PRKN: variants seen among roughly 807,000 people sequenced by gnomAD.
PRKN encodes E3 ubiquitin-protein ligase parkin.
PRKN carries 56 observed loss-of-function variants against 59.5 expected under a neutral mutation model. That is an observed-to-expected ratio of 0.94 (90% CI 0.76 to 1.18). The LOEUF is 1.18. PRKN is among the 50% of genes most tolerant of loss of function. The pLI, the probability that PRKN is intolerant of heterozygous loss-of-function variation, is 0.00. For synonymous variants in PRKN, 250 were observed against 222.1 expected (o/e 1.13, Z -1.12); for missense variants, 657 against 596.4 (o/e 1.10, Z -1.06).
At chr6:162,595,740 T>G (rs947356939) in intron 1 of PRKN, among the ~76,000 whole-genome samples, 22 of 152,324 alleles carry the variant, frequency 1.4e-4, no homozygotes, top group African/African-American at 5.1e-4. Context: ...GGAGTTAAGG[T>G]TGAACATGTG....
intron 1 of PRKN, among the ~76,000 whole-genome samples, chr6:162,490,782 A>G (rs952056858): frequency 1.3e-5 from 2 of 152,208 alleles, no homozygotes; most frequent in Admixed American, 1.3e-4. Context: ...CGTTCAGGAA[A>G]AGCGTTGAGA....
At chr6:162,601,784 AC>A (rs1363880090) in intron 1 of PRKN, among the ~76,000 whole-genome samples, 1 of 152,030 alleles carries the variant, frequency 6.6e-6, no homozygotes, top group Non-Finnish European at 1.5e-5. Flanking sequence ...TTAATAAGAC[AC>A]CCCTAGATTT....
At chr6:162,725,887 C>T (rs1779148822) in intron 1 of PRKN, among the ~76,000 whole-genome samples, 1 of 152,044 alleles carries the variant, frequency 6.6e-6, no homozygotes, top group Non-Finnish European at 1.5e-5. Flanking sequence ...CTAGGGAAAG[C>T]AGGCATGGAT....
intron 1 of PRKN, among the ~76,000 whole-genome samples, chr6:162,699,622 A>C (rs1004055938): frequency 2.0e-5 from 3 of 152,226 alleles, no homozygotes; most frequent in African/African-American, 7.2e-5. Flanking sequence ...AATTTTAAGA[A>C]TAAAAGTGTC....
chr6:162,448,232 T>A (rs919412897), intron 1 of PRKN, among the ~76,000 whole-genome samples: 1 of 152,054 alleles, frequency 6.6e-6, no homozygotes, highest in Non-Finnish European at 1.5e-5. Context: ...TTTCCAAATG[T>A]CCCTTGCCTG....
chr6:161,496,257 A>G (rs1295152366), intron 9 of PRKN, among the ~76,000 whole-genome samples: 1 of 152,138 alleles, frequency 6.6e-6, no homozygotes, highest in Non-Finnish European at 1.5e-5. Flanking sequence ...TCATGGGTTG[A>G]GTTGTATCCC....
intron 6 of PRKN, among the ~76,000 whole-genome samples, chr6:161,971,427 A>C (rs1780801856): frequency 6.6e-6 from 1 of 152,160 alleles, no homozygotes; most frequent in Non-Finnish European, 1.5e-5. Context: ...CCTTTGAAAA[A>C]CTGAACAGTG....
intron 2 of PRKN, among the ~76,000 whole-genome samples, chr6:162,366,011 GC>G (rs2128135343): frequency 6.6e-6 from 1 of 152,194 alleles, no homozygotes; most frequent in Non-Finnish European, 1.5e-5. Flanking sequence ...TAAAATTACT[GC>G]CCAAAGATTT....
At chr6:162,329,723 T>TA (rs1783487382) in intron 2 of PRKN, among the ~76,000 whole-genome samples, 1 of 151,722 alleles carries the variant, frequency 6.6e-6, no homozygotes, top group South Asian at 2.1e-4. Flanking sequence ...AGCCAAAAAA[T>TA]AAAAAAATAA....
intron 6 of PRKN, among the ~76,000 whole-genome samples, chr6:161,844,358 T>C (rs1793112202): frequency 6.6e-6 from 1 of 152,186 alleles, no homozygotes; most frequent in Admixed American, 6.5e-5. Context: ...AGGAAAGTGA[T>C]TGAAAGTTGA....
intron 6 of PRKN, among the ~76,000 whole-genome samples, chr6:161,930,267 TA>T (rs1282402677): frequency 6.6e-6 from 1 of 152,204 alleles, no homozygotes; most frequent in African/African-American, 2.4e-5. Flanking sequence ...ATTTATAAGT[TA>T]ATATTTTATG....
intron 2 of PRKN, among the ~76,000 whole-genome samples, chr6:162,356,545 G>C (rs1471874745): frequency 6.9e-6 from 1 of 145,322 alleles, no homozygotes; most frequent in African/African-American, 2.6e-5. Flanking sequence ...ATTTTTTTTT[G>C]CTTGGTCAAA....
chr6:161,791,128 C>A (rs774142856), intron 6 of PRKN, among the ~76,000 whole-genome samples: 1 of 151,990 alleles, frequency 6.6e-6, no homozygotes, highest in African/African-American at 2.4e-5. Flanking sequence ...GGTTAAAGAG[C>A]GGTAAATTAA....
chr6:161,638,737 G>GTTTTTTTTTTTTTT (rs1783620228), intron 7 of PRKN, among the ~76,000 whole-genome samples: 1 of 61,566 alleles, frequency 1.6e-5, no homozygotes, highest in African/African-American at 1.3e-4. Context: ...CACGAGATCT[G>GTTTTTTTTTTTTTT]ATTTTTTTTT....
chr6:161,545,225 AT>A lies in PRKN; in HGVS notation c.1083+3628del. 7.5e-7 allele frequency: 1 copy of A among 1,335,672 alleles called. No homozygotes were observed. Among genetic ancestry groups the A allele is most frequent in the Non-Finnish European group, 9.6e-7 (1 of 1,043,930 alleles). The allele number at this position is 1,335,672 out of a possible 1,614,324, so 82.7% of individuals were successfully genotyped here. A position where few individuals can be genotyped will look rare whatever the true frequency, so the allele number is the denominator to read the frequency against. ...ATCTTGATAATTGAGGGAAAAAAAAATTAAGCACGGGTGAATTCACAGGCAT... is the reference window on the plus strand; with the variant it reads ...ATCTTGATAATTGAGGGAAAAAAAAATAAGCACGGGTGAATTCACAGGCAT... On this transcript the variant is annotated intron_variant, in intron 9 of 11. Coordinates refer to ENST00000366898, the MANE Select transcript of PRKN (RefSeq NM_004562.3). The surrounding 1 kb of genome is among the most constrained non-coding windows in gnomAD (Gnocchi z 4.1).
chr6:162,596,685 C>T (rs1366332394), intron 1 of PRKN, among the ~76,000 whole-genome samples: 1 of 152,092 alleles, frequency 6.6e-6, no homozygotes, highest in Non-Finnish European at 1.5e-5. Flanking sequence ...TCTGACTATC[C>T]TAGAATAGCT....
rs555346423 is a variant in PRKN at position 162,187,722 on chromosome 6, C to T, written c.534+13409G>A. On this transcript the variant is annotated intron_variant, in intron 4 of 11. Coordinates refer to ENST00000366898, the MANE Select transcript of PRKN (RefSeq NM_004562.3). ...TCTATTAATATAACATGACATTTAC[C>T]AAAGAATGTGTCAGCAGCATCCATG... Among the ~76,000 whole-genome samples the T allele has an allele frequency of 2.0e-5, 3 of 152,170 alleles. No homozygotes were observed. The East Asian group carries it at 5.8e-4, about 29-fold the overall frequency.
chr6:161,436,248 A>G (rs1251595515), intron 9 of PRKN, among the ~76,000 whole-genome samples: 4 of 71,268 alleles, frequency 5.6e-5, no homozygotes, highest in African/African-American at 2.5e-4. Flanking sequence ...AAGAGGGGGC[A>G]AGATGTGAGG....
intron 4 of PRKN, among the ~76,000 whole-genome samples, chr6:162,101,799 C>T (rs1249439471): frequency 1.3e-5 from 2 of 152,124 alleles, no homozygotes; most frequent in Non-Finnish European, 2.9e-5. Flanking sequence ...TAGTGTGATG[C>T]CTCCAGCTTT....
Sources: allele counts gnomAD v4.1 joint callset (sites outside exome capture counted in the v4.1 genomes callset), GRCh38; gene constraint gnomAD v4.1.1; non-coding constraint Gnocchi (gnomAD v3.1); transcripts MANE v1.5; gene names NCBI Gene and HGNC (gene_info 2026-07-23, HGNC 2026-07-21).